The following TESPA1 variants were observed in gnomAD, a reference collection of about 807,000 sequenced individuals.
TESPA1 encodes thymocyte expressed, positive selection associated 1, also known as protein TESPA1.
TESPA1 carries 33 observed loss-of-function variants against 57.9 expected under a neutral mutation model. The ratio of observed to expected loss-of-function variants is 0.57; its 90% CI spans 0.43 to 0.76. The LOEUF (loss-of-function observed/expected upper bound fraction) is 0.76. Ranked by LOEUF, TESPA1 falls within the 30% of genes least tolerant of loss-of-function variation. The pLI, the probability that TESPA1 is intolerant of heterozygous loss-of-function variation, is 0.00. For synonymous variants in TESPA1, 227 were observed against 228.9 expected (o/e 0.99, Z 0.07); for missense variants, 618 against 632.9 (o/e 0.98, Z 0.25).
intron 10 of TESPA1, among the ~76,000 whole-genome samples, chr12:54,954,963 G>C (rs1290893707): frequency 6.6e-6 from 1 of 152,190 alleles, no homozygotes; most frequent in East Asian, 1.9e-4. Flanking sequence ...AAATAGGATT[G>C]CTACATCATA....
intron 3 of TESPA1, among the ~76,000 whole-genome samples, chr12:54,969,045 A>ATATG (rs1951645068): frequency 1.7e-5 from 2 of 115,826 alleles, no homozygotes; most frequent in African/African-American, 3.8e-5. Flanking sequence ...ATATATATAT[A>ATATG]TGTGTGTGTG....
chr12:54,951,514 T>C (rs1405953064), intron 10 of TESPA1, among the ~76,000 whole-genome samples: 2 of 152,242 alleles, frequency 1.3e-5, no homozygotes, highest in South Asian at 2.1e-4. Flanking sequence ...AAATATTTAC[T>C]GTATGCTTAA....
In TESPA1 at chr12:54,966,141, C is replaced by G. The variant is rs61956830; in HGVS notation, c.358G>C (p.Glu120Gln). 45 of 1,568,680 alleles carry G rather than the reference C, an allele frequency of 2.9e-5. No individual in the cohort carries two copies. The highest frequency in any genetic ancestry group is 3.6e-5 in the Non-Finnish European group (42 of 1,156,088). ...AGTAGCTGGCAAGGCCTGGCTGTCT[C>G]GAGGAAACTCCTGCAGAGATCAAAG... ...NGKLFSRSFL[E>Q]TARPCQLLDL... The change falls in exon 7 of 11, where the codon GAG (glutamate) becomes CAG (glutamine). Residue 120 changes from glutamate (E) to glutamine (Q), a missense_variant. Around this residue, in one of 3 missense-constraint regions of TESPA1, gnomAD observed 199 missense variants for 184.0 expected, o/e 1.08. Transcript: ENST00000449076.
intron 1 of TESPA1, among the ~76,000 whole-genome samples, chr12:54,980,652 T>C (rs1952281889): frequency 6.6e-6 from 1 of 152,176 alleles, no homozygotes; most frequent in Non-Finnish European, 1.5e-5. Context: ...GGAAAGTGGA[T>C]AATTATCATT....
At chr12:54,959,616 T>TG (rs565195387) in intron 10 of TESPA1, among the ~76,000 whole-genome samples, 28 of 152,360 alleles carry the variant, frequency 1.8e-4, no homozygotes, top group African/African-American at 6.7e-4. Context: ...TTCTGATTCC[T>TG]GGGGGAGTTT....
chr12:54,970,830 A>T (rs977307278), intron 3 of TESPA1, among the ~76,000 whole-genome samples: 1 of 152,236 alleles, frequency 6.6e-6, no homozygotes, highest in East Asian at 1.9e-4. Context: ...GGGAAGAAGT[A>T]TATGGCTATT....
rs1186368439 is a variant in TESPA1, at chr12:54,949,021, T to A, written c.*1371A>T. 1 of 152,194 alleles carries A rather than the reference T, an allele frequency of 6.6e-6. No individual in the cohort carries two copies. Among genetic ancestry groups the A allele is most frequent in the African/African-American group, 2.4e-5 (1 of 41,442 alleles). 9.4% of individuals were successfully genotyped at this position (152,194 alleles called of 1,614,324 possible). A position where few individuals can be genotyped will look rare whatever the true frequency, so the allele number is the denominator to read the frequency against. On this transcript the variant is annotated 3_prime_UTR_variant, in exon 11 of 11. Transcript: ENST00000449076. ...CCTGAGAACCACCTCTTTGAAATGT[T>A]AACATCAAGGAAGATAGTTCCCCTG...
At position 54,974,612 on chromosome 12, in the gene TESPA1, GA is replaced by G; in HGVS notation, c.-45-6del. 1 of 1,447,894 alleles carries G rather than the reference GA, an allele frequency of 6.9e-7. No homozygotes were observed. Among genetic ancestry groups the G allele is most frequent in the Non-Finnish European group, 9.1e-7 (1 of 1,093,086 alleles). 89.7% of individuals were successfully genotyped at this position (1,447,894 alleles called of 1,614,324 possible). ...TCCCGTAACAGTAATGCCGTCCTAAGAGTTGAAAAACAGTGATACTCCCTCA... is the reference window on the plus strand; with the variant it reads ...TCCCGTAACAGTAATGCCGTCCTAAGGTTGAAAAACAGTGATACTCCCTCA... On this transcript the variant is annotated splice_region_variant and splice_polypyrimidine_tract_variant and intron_variant, in intron 1 of 10. Transcript: ENST00000449076.
intron 7 of TESPA1, among the ~76,000 whole-genome samples, 179 bp downstream of exon 7, chr12:54,965,874 C>T (rs1007861484): frequency 3.3e-5 from 5 of 152,190 alleles, no homozygotes; most frequent in African/African-American, 1.2e-4. Flanking sequence ...TCTGAGAAGA[C>T]TCCTCTGTGT....
intron 10 of TESPA1, among the ~76,000 whole-genome samples, chr12:54,954,681 T>C (rs1391501865): frequency 1.3e-5 from 2 of 152,232 alleles, no homozygotes; most frequent in East Asian, 3.8e-4. Flanking sequence ...CTGTATAGCA[T>C]TTTCAGAAAT....
chr12:54,972,964 G>C (rs1340232010), intron 3 of TESPA1, among the ~76,000 whole-genome samples: 4 of 152,172 alleles, frequency 2.6e-5, no homozygotes, highest in African/African-American at 9.7e-5. Flanking sequence ...ATAATTTAAA[G>C]TATCTCTGAG....
At chr12:54,961,416 A>G (rs1480037112) in intron 9 of TESPA1, 149 bp from the exon 10 acceptor site, 1 of 777,232 alleles carries the variant, frequency 1.3e-6, no homozygotes, top group Non-Finnish European at 2.1e-6. Flanking sequence ...GTAATGAGGA[A>G]GGCAGGAGCG....
rs117511981 is a variant in TESPA1 at position 54,979,094 on chromosome 12, A to G, written c.-45-4487T>C. Among the ~76,000 whole-genome samples, 64 of 152,306 alleles carry G rather than the reference A, an allele frequency of 4.2e-4. 1 individual carries two copies. The East Asian group carries it at 0.011, about 26-fold the overall frequency. On this transcript the variant is annotated intron_variant, in intron 1 of 10. Transcript: ENST00000449076. ...TCCTAATGTACATTTTTGCACAGTT[A>G]GTGAAGAGGAAAAAGGCTTGGAGCA...
intron 1 of TESPA1, among the ~76,000 whole-genome samples, chr12:54,979,601 G>T (rs1952242835): frequency 1.3e-5 from 2 of 152,168 alleles, no homozygotes; most frequent in South Asian, 4.1e-4. Context: ...CTTGTTCTGA[G>T]GATGCTATAG....
At chr12:54,964,495 G>A (rs944273445) in intron 7 of TESPA1, among the ~76,000 whole-genome samples, 1 of 152,214 alleles carries the variant, frequency 6.6e-6, no homozygotes, top group African/African-American at 2.4e-5. Context: ...CAGTACAGAA[G>A]TCCTGTGTCA....
chr12:54,965,406 T>C (rs1426111294), intron 7 of TESPA1, among the ~76,000 whole-genome samples: 1 of 152,196 alleles, frequency 6.6e-6, no homozygotes, highest in Non-Finnish European at 1.5e-5. Flanking sequence ...CCATGTGTTC[T>C]CATTGTTCAG....
At chr12:54,965,851 C>T (rs1951392963) in intron 7 of TESPA1, among the ~76,000 whole-genome samples, 1 of 152,214 alleles carries the variant, frequency 6.6e-6, no homozygotes. Flanking sequence ...GTATTTTACA[C>T]ATAGTATTCA....
chr12:54,973,574 C>G (rs997535541), intron 2 of TESPA1, 55 bp from the exon 3 acceptor site: 1 of 1,613,124 alleles, frequency 6.2e-7, no homozygotes, highest in Non-Finnish European at 8.5e-7. Context: ...CAGACCTCCT[C>G]CCTGCAACTA....
chr12:54,965,960 T>C (rs1370537479), intron 7 of TESPA1, 93 bp downstream of exon 7: 1 of 1,196,010 alleles, frequency 8.4e-7, no homozygotes, highest in African/African-American at 1.5e-5. Context: ...TCCAGTAAGA[T>C]ATCCCAGAAA....
Sources: gnomAD v4.1 joint callset for allele counts (sites outside exome capture counted in the v4.1 genomes callset) on GRCh38, gnomAD v4.1.1 for gene constraint, gnomAD v4.1.1 regional missense constraint, MANE v1.5 for transcripts, NCBI Gene and HGNC (gene_info 2026-07-23, HGNC 2026-07-21) for gene names.